The following CAPN2 variants were observed in gnomAD, a reference collection of about 807,000 sequenced individuals.
The protein encoded by CAPN2 is calpain-2 catalytic subunit.
Under a neutral mutation model 102.3 loss-of-function variants are expected in CAPN2, and 92 were observed. That is an observed-to-expected ratio of 0.90 (90% CI 0.76 to 1.07). The LOEUF is 1.07. CAPN2 is among the 50% of genes least tolerant of loss of function. The pLI is 0.00. For missense variants in CAPN2, 800 were observed against 909.4 expected (o/e 0.88, Z 1.55); for synonymous variants, 340 against 355.4 (o/e 0.96, Z 0.49).
intron 1 of CAPN2, among the ~76,000 whole-genome samples, chr1:223,705,001 T>C (rs4653499): frequency 0.18 from 27,410 of 152,042 alleles, 2,667 homozygotes; most frequent in African/African-American, 0.24. Flanking sequence ...ACCAGCCCCT[T>C]CCTGGCAACT....
intron 16 of CAPN2, 147 bp downstream of exon 16, chr1:223,766,578 A>C: frequency 1.5e-6 from 1 of 649,764 alleles, no homozygotes; most frequent in Non-Finnish European, 2.7e-6. Context: ...AGCAGCGCTG[A>C]CCTCCCTTAC....
rs552565148 is a variant in CAPN2 at position 223,714,909 on chromosome 1, A to G, written c.237+2032A>G. 5.3e-5 allele frequency among the ~76,000 whole-genome samples: 8 copies of G among 152,368 alleles called. No individual in the cohort carries two copies. The South Asian group carries it at 1.7e-3, about 32-fold the overall frequency. ...GGATGTAGAGGTCTAGAGATGATCTAGCGCCACTGCTTAGGGCAGGCGGGC... is the reference window on the plus strand; with the variant it reads ...GGATGTAGAGGTCTAGAGATGATCTGGCGCCACTGCTTAGGGCAGGCGGGC... On this transcript the variant is annotated intron_variant, in intron 1 of 20. Transcript: ENST00000295006.
chr1:223,762,002 GA>G (rs551860190), intron 13 of CAPN2, among the ~76,000 whole-genome samples, 183 bp from the exon 14 acceptor site: 21 of 127,462 alleles, frequency 1.6e-4, no homozygotes, highest in Middle Eastern at 3.6e-3. Context: ...GTTTTAATTA[GA>G]AAAAAAAAAC....
chr1:223,764,301 G>A lies in CAPN2; in HGVS notation c.1690+94G>A, dbSNP rs575577618. On this transcript the variant is annotated intron_variant, in intron 15 of 20. Coordinates refer to ENST00000295006, the MANE Select transcript of CAPN2 (RefSeq NM_001748.5). ...CTTTCCCCCTCCATGTCTGGCTGCT[G>A]TGACTAAACCACCACCCTCCATCCC... 3.2e-5 allele frequency: 34 copies of A among 1,066,856 alleles called. No homozygotes were observed. In the African/African-American group the frequency reaches 4.2e-4, roughly 13 times the overall value. The allele number at this position is 1,066,856 out of a possible 1,614,324, so 66.1% of individuals were successfully genotyped here.
chr1:223,720,315 C>CTTTTTTTTTT (rs35138708), intron 2 of CAPN2, among the ~76,000 whole-genome samples: 16 of 107,492 alleles, frequency 1.5e-4, no homozygotes, highest in African/African-American at 3.8e-4. Context: ...CTCTTTCTCT[C>CTTTTTTTTTT]TTTTTTTTTT....
chr1:223,772,111 A>G, intron 19 of CAPN2, 70 bp from the exon 20 acceptor site: 2 of 1,447,310 alleles, frequency 1.4e-6, no homozygotes, highest in Non-Finnish European at 1.9e-6. Context: ...CAGTTGCTGA[A>G]CTGAAAAGAG....
intron 1 of CAPN2, among the ~76,000 whole-genome samples, chr1:223,705,605 G>A (rs1168293332): frequency 2.0e-5 from 3 of 152,202 alleles, no homozygotes; most frequent in Non-Finnish European, 2.9e-5. Context: ...TATTTATTGG[G>A]GAGCTTGCTG....
At chr1:223,747,279 C>G in intron 5 of CAPN2, 114 bp downstream of exon 5, 1 of 1,049,476 alleles carries the variant, frequency 9.5e-7, no homozygotes. Flanking sequence ...CAGCCCTCGT[C>G]CACGTAGGGG....
chr1:223,717,574 C>G (rs1426595293), intron 1 of CAPN2, among the ~76,000 whole-genome samples, 188 bp from the exon 2 acceptor site: 1 of 152,108 alleles, frequency 6.6e-6, no homozygotes, highest in East Asian at 1.9e-4. Flanking sequence ...CCCATCCACC[C>G]ATCAGGGCCC....
chr1:223,769,234 C>T (rs545893724), intron 16 of CAPN2, among the ~76,000 whole-genome samples: 5 of 152,288 alleles, frequency 3.3e-5, no homozygotes, highest in South Asian at 2.1e-4. Flanking sequence ...ATTCTCCCCC[C>T]TCCAGCCTCC....
intron 3 of CAPN2, 22 bp from the exon 4 acceptor site, chr1:223,745,284 G>A (rs2102797255): frequency 6.2e-7 from 1 of 1,614,028 alleles, no homozygotes; most frequent in Non-Finnish European, 8.5e-7. Flanking sequence ...TCCTCCTGCA[G>A]CCCACCTCTC....
intron 1 of CAPN2, among the ~76,000 whole-genome samples, chr1:223,707,381 G>A (rs1040701117): frequency 6.6e-5 from 10 of 152,220 alleles, no homozygotes; most frequent in African/African-American, 2.4e-4. Context: ...CATCCTCAGG[G>A]CTGGCTGACT....
At position 223,770,747 on chromosome 1, in the gene CAPN2, C is replaced by T. The variant is rs545642980; in HGVS notation, c.1903+222C>T. On this transcript the variant is annotated intron_variant, in intron 18 of 20. Transcript: ENST00000295006. ...TCTGTGCCTTCTTGAATCCAAGTTT[C>T]CTTTGGAGCCGCCTGGCACAGTAAG... is the stretch of plus-strand genomic sequence containing the variant. The T allele has an allele frequency of 5.6e-4, 216 of 385,342 alleles. 1 individual carries two copies. The highest frequency in any genetic ancestry group is 3.0e-3 in the Middle Eastern group (4 of 1,340). 23.9% of individuals were successfully genotyped at this position (385,342 alleles called of 1,614,324 possible).
chr1:223,773,329 G>A (rs1661529880), intron 20 of CAPN2: 1 of 152,234 alleles, frequency 6.6e-6, no homozygotes, highest in Non-Finnish European at 1.5e-5. Flanking sequence ...GGCCAAGGCA[G>A]GTGGATCACC....
chr1:223,712,343 C>A (rs980950415), upstream of CAPN2: 2 of 684,054 alleles, frequency 2.9e-6, no homozygotes, highest in Non-Finnish European at 3.6e-6. Context: ...CTCCCCGGCG[C>A]CGGGCCGCGC....
In CAPN2 at chr1:223,727,566, A is replaced by C. The variant is rs1660231025; in HGVS notation, c.307+9735A>C. On this transcript the variant is annotated intron_variant, in intron 2 of 20. Coordinates refer to ENST00000295006, the MANE Select transcript of CAPN2 (RefSeq NM_001748.5). The surrounding 1 kb of genome is among the most constrained non-coding windows in gnomAD (Gnocchi z 4.1). ...AATGCCATTTGGGGAGCCTGGTGCA[A>C]GGGAGTGGCCGGATGGGAGGTAGGA... Among the ~76,000 whole-genome samples, 1 of 152,196 alleles carries C rather than the reference A, an allele frequency of 6.6e-6. No individual in the cohort carries two copies. Among genetic ancestry groups the C allele is most frequent in the Non-Finnish European group, 1.5e-5 (1 of 68,038 alleles).
intron 1 of CAPN2, among the ~76,000 whole-genome samples, chr1:223,717,485 G>A (rs1444222795): frequency 1.3e-5 from 2 of 152,080 alleles, no homozygotes; most frequent in Non-Finnish European, 2.9e-5. Context: ...TGTGGCCCCC[G>A]GGACACAGCA....
chr1:223,715,365 CTG>C (rs1659849827), intron 1 of CAPN2, among the ~76,000 whole-genome samples: 1 of 152,044 alleles, frequency 6.6e-6, no homozygotes, highest in Non-Finnish European at 1.5e-5. Flanking sequence ...CTTTGAGAGC[CTG>C]TGTTTTTTTC....
chr1:223,709,629 C>T (rs1659687741), upstream of CAPN2, among the ~76,000 whole-genome samples: 1 of 150,310 alleles, frequency 6.7e-6, no homozygotes, highest in Non-Finnish European at 1.5e-5. Context: ...CATTGCACTC[C>T]AGCCTGGGCC....
Sources: allele counts gnomAD v4.1 joint callset (sites outside exome capture counted in the v4.1 genomes callset), GRCh38; gene constraint gnomAD v4.1.1; non-coding constraint Gnocchi (gnomAD v3.1); transcripts MANE v1.5; gene names NCBI Gene and HGNC (gene_info 2026-07-23, HGNC 2026-07-21).